The following MYH15 variants were observed in gnomAD, a reference collection of about 807,000 sequenced individuals.
The protein encoded by MYH15 is myosin heavy chain 15.
In MYH15, 227 loss-of-function variants were observed where a neutral mutation model predicts 240.5. The observed-to-expected ratio is 0.94, with a 90% CI of 0.85 to 1.05. The LOEUF (loss-of-function observed/expected upper bound fraction) is 1.05, where lower values mean the gene tolerates loss of function less well. MYH15 is among the 50% of genes least tolerant of loss of function. MYH15 has a pLI of 0.00. For synonymous variants in MYH15, 785 were observed against 796.7 expected (o/e 0.99, Z 0.25); for missense variants, 2,217 against 2,247.5 (o/e 0.99, Z 0.27).
At chr3:108,525,916 G>A (rs1438288648) in intron 1 of MYH15, among the ~76,000 whole-genome samples, 1 of 151,936 alleles carries the variant, frequency 6.6e-6, no homozygotes, top group Non-Finnish European at 1.5e-5. Flanking sequence ...TTAAACAAAT[G>A]GTCTGGAATT....
rs757201472 is a variant in MYH15 at position 108,439,797 on chromosome 3, C to T, written c.3015G>A (p.Glu1005=). Residue 1005 remains glutamate (E), a synonymous_variant, in exon 24 of 41, where the codon GAG becomes GAA. Transcript: ENST00000693548. ...HQQTLDDLHM[E]EEKLSSLSKA... is the part of the protein sequence containing the mutation. ...TGCTCAGGCTGCTGAGCTTCTCCTC[C>T]TCCATGTGCAGGTCATCCAGGGTCT... 3.1e-6 allele frequency: 5 copies of T among 1,612,960 alleles called. No homozygotes were observed. Among genetic ancestry groups the T allele is most frequent in the Admixed American group, 3.3e-5 (2 of 59,760 alleles).
At position 108,485,187 on chromosome 3, in the gene MYH15, C is replaced by G; in HGVS notation, c.1018G>C (p.Gly340Arg). ...ILGFLPDEKY[G>R]CYKLTGAIMH... is the part of the protein sequence containing the mutation. ...ATGGCTCCAGTGAGTTTATAGCATC[C>G]ATACTTCTCATCAGGAAGAAAGCCC... The change falls in exon 11 of 41, where the codon GGA becomes CGA. Residue 340 changes from glycine to arginine, a missense_variant. Gly to Arg is a moderately radical substitution (Grantham distance 125). Coordinates refer to ENST00000693548, the MANE Select transcript of MYH15 (RefSeq NM_014981.3). 6.2e-7 allele frequency: 1 copy of G among 1,614,036 alleles called. No individual in the cohort carries two copies. Among genetic ancestry groups the G allele is most frequent in the Non-Finnish European group, 8.5e-7 (1 of 1,179,944 alleles).
intron 12 of MYH15, among the ~76,000 whole-genome samples, chr3:108,474,731 G>T (rs2083206036): frequency 6.6e-6 from 1 of 152,164 alleles, no homozygotes. Context: ...ATGCATGCAT[G>T]TTGTGGTGAA....
In MYH15 at chr3:108,408,279, C is replaced by CCT; in HGVS notation, c.4619_4620dup (p.Gly1541ArgfsTer36). ...CTTTCTTTTCTCCCTGGTGATAATA[C>CCT]CTCTGTTTCTTCCAGTGTCACCTGG... On this transcript the variant is annotated frameshift_variant and splice_region_variant. Coordinates refer to ENST00000693548, the MANE Select transcript of MYH15 (RefSeq NM_014981.3). LOFTEE classifies it high-confidence loss of function. 1 of 1,610,238 alleles carries CCT rather than the reference C, an allele frequency of 6.2e-7. No homozygotes were observed. Among genetic ancestry groups the CCT allele is most frequent in the East Asian group, 2.2e-5 (1 of 44,810 alleles).
In MYH15 at chr3:108,431,916, A is replaced by G. The variant is rs571390744; in HGVS notation, c.3222-994T>C. Among the ~76,000 whole-genome samples, 6 of 152,320 alleles carry G rather than the reference A, an allele frequency of 3.9e-5. No homozygotes were observed. The South Asian group carries it at 1.0e-3, about 26-fold the overall frequency. ...GGTGACTCTTGTTATGTTTTAGCAA[A>G]GAGACTGGTGGCATTTTGCCTCCGC... On this transcript the variant is annotated intron_variant, in intron 25 of 40. Transcript: ENST00000693548.
At chr3:108,539,742 G>A in the MYH15 span, among the ~76,000 whole-genome samples, 2 of 152,086 alleles carry the variant, frequency 1.3e-5, no homozygotes, top group East Asian at 1.9e-4. Flanking sequence ...ACACAATTTA[G>A]AGTAGAGATA....
the MYH15 span, chr3:108,550,074 T>C: frequency 6.6e-6 from 1 of 151,964 alleles, no homozygotes; most frequent in Non-Finnish European, 1.5e-5. Flanking sequence ...CAAACAGACA[T>C]ATGGTGAAGA....
intron 36 of MYH15, among the ~76,000 whole-genome samples, chr3:108,392,413 G>T (rs185001619): frequency 6.6e-6 from 1 of 152,214 alleles, no homozygotes; most frequent in Non-Finnish European, 1.5e-5. Flanking sequence ...GGCAGTAACA[G>T]ATGCTCTCAC....
chr3:108,391,637 A>G, intron 37 of MYH15, 123 bp downstream of exon 37: 2 of 1,047,680 alleles, frequency 1.9e-6, no homozygotes, highest in Non-Finnish European at 2.8e-6. Context: ...AAATATCTGA[A>G]AGTACTAAAA....
intron 38 of MYH15, among the ~76,000 whole-genome samples, chr3:108,386,807 A>G (rs1011884271): frequency 6.6e-6 from 1 of 152,050 alleles, no homozygotes; most frequent in African/African-American, 2.4e-5. Context: ...CCTAAAAATG[A>G]TACTACATTC....
chr3:108,418,191 A>T (rs1269220666), intron 28 of MYH15, among the ~76,000 whole-genome samples: 1 of 152,292 alleles, frequency 6.6e-6, no homozygotes, highest in Middle Eastern at 3.4e-3. Flanking sequence ...TCCCTGAAAA[A>T]ACTACTAGCT....
rs2083297165 is a variant in MYH15 at position 108,485,293 on chromosome 3, C to T, written c.976-64G>A. On this transcript the variant is annotated intron_variant, in intron 10 of 40. Transcript: ENST00000693548. Reference sequence around the variant, plus strand: ...TTAATGGCTGCAGTGAGCACCTCACCCCCGCTGTGTTACACCTCGGGCTGT... The same window carrying T: ...TTAATGGCTGCAGTGAGCACCTCACTCCCGCTGTGTTACACCTCGGGCTGT... 6.3e-6 allele frequency: 10 copies of T among 1,584,786 alleles called. No homozygotes were observed. The East Asian group carries it at 2.2e-4, about 35-fold the overall frequency.
chr3:108,421,030 C>T (rs2082678276), intron 28 of MYH15, 58 bp downstream of exon 28: 2 of 1,607,266 alleles, frequency 1.2e-6, no homozygotes, highest in Non-Finnish European at 8.5e-7. Context: ...TCAGTTGTGC[C>T]TTCATGAGTC....
intron 11 of MYH15, among the ~76,000 whole-genome samples, chr3:108,481,929 A>G (rs1302883342): frequency 1.3e-5 from 2 of 152,124 alleles, no homozygotes; most frequent in Non-Finnish European, 2.9e-5. Flanking sequence ...GACATGGTGG[A>G]ACAAGGGCTG....
chr3:108,437,759 G>A (rs1385171119), intron 24 of MYH15, 60 bp from the exon 25 acceptor site: 5 of 1,514,784 alleles, frequency 3.3e-6, no homozygotes, highest in Non-Finnish European at 3.5e-6. Flanking sequence ...TTCACTAGAT[G>A]TGTTCATTAA....
chr3:108,464,418 G>C (rs556300728), intron 15 of MYH15, among the ~76,000 whole-genome samples: 34 of 152,320 alleles, frequency 2.2e-4, no homozygotes, highest in Admixed American at 1.6e-3. Flanking sequence ...GAGGTTGACA[G>C]AGTCCATTTG....
intron 21 of MYH15, among the ~76,000 whole-genome samples, chr3:108,446,545 C>A (rs1359471616): frequency 1.3e-5 from 2 of 152,020 alleles, no homozygotes; most frequent in Non-Finnish European, 2.9e-5. Context: ...CATGAATAAT[C>A]AAAAAAATGA....
upstream of MYH15, among the ~76,000 whole-genome samples, chr3:108,531,261 CAGAT>C (rs1327439256): frequency 3.9e-5 from 6 of 152,148 alleles, no homozygotes; most frequent in Non-Finnish European, 8.8e-5. Flanking sequence ...GATAACATGA[CAGAT>C]CCCAGAGAAG....
intron 33 of MYH15, 94 bp downstream of exon 33, chr3:108,405,244 A>G: frequency 1.8e-6 from 1 of 568,384 alleles, no homozygotes; most frequent in East Asian, 3.0e-5. Context: ...TAATGCTCCA[A>G]CAGGGGCCAT....
Sources: gnomAD v4.1 joint callset for allele counts (sites outside exome capture counted in the v4.1 genomes callset) on GRCh38, gnomAD v4.1.1 for gene constraint, MANE v1.5 for transcripts, NCBI Gene and HGNC (gene_info 2026-07-23, HGNC 2026-07-21) for gene names.